SETBP1: variants seen among roughly 807,000 people sequenced by gnomAD.
SETBP1 encodes SET binding protein 1.
SETBP1 carries 9 observed loss-of-function variants against 101.0 expected under a neutral mutation model. That is an observed-to-expected ratio of 0.09 (90% CI 0.05 to 0.16). SETBP1 has a LOEUF of 0.16. Among genes scored for constraint, SETBP1 ranks in the 10% least tolerant of loss-of-function variants. The probability of loss-of-function intolerance (pLI) is 1.00; values close to 1 mark genes in which losing one functional copy is unlikely to be tolerated. For synonymous variants in SETBP1, 818 were observed against 788.5 expected (o/e 1.04, Z -0.63); for missense variants, 1,858 against 2,033.8 (o/e 0.91, Z 1.66).
At position 45,064,464 on chromosome 18, in the gene SETBP1, A is replaced by C. The variant is rs2073942008; in HGVS notation, c.*766A>C. Reference sequence around the variant, plus strand: ...TTTTTCTTGGTACACATTTAAATAAAGTAATCCTTAACCTGTGCTGTAAAG... The same window carrying C: ...TTTTTCTTGGTACACATTTAAATAACGTAATCCTTAACCTGTGCTGTAAAG... On this transcript the variant is annotated 3_prime_UTR_variant, in exon 6 of 6. Coordinates refer to ENST00000649279, the MANE Select transcript of SETBP1 (RefSeq NM_015559.3). The C allele has an allele frequency of 6.6e-6, 1 of 152,092 alleles. No homozygotes were observed. Among genetic ancestry groups the C allele is most frequent in the Non-Finnish European group, 1.5e-5 (1 of 68,004 alleles). The allele number at this position is 152,092 out of a possible 1,614,324, so 9.4% of individuals were successfully genotyped here.
rs935393030 is a variant in SETBP1 at position 45,049,651 on chromosome 18, C to T, written c.4171+10996C>T. ...CCCTGCCTCCTACCTTTCTTCATAACCCTGACCAGCTTCTCTCAGTACCTT... is the reference window on the plus strand; with the variant it reads ...CCCTGCCTCCTACCTTTCTTCATAATCCTGACCAGCTTCTCTCAGTACCTT... On this transcript the variant is annotated intron_variant, in intron 5 of 5. Transcript: ENST00000649279. Among the ~76,000 whole-genome samples, 3 of 152,218 alleles carry T rather than the reference C, an allele frequency of 2.0e-5. No individual in the cohort carries two copies. In the South Asian group the frequency reaches 6.2e-4, roughly 32 times the overall value.
At chr18:44,894,399 ATTTT>A (rs142131407) in intron 3 of SETBP1, among the ~76,000 whole-genome samples, 1 of 148,784 alleles carries the variant, frequency 6.7e-6, no homozygotes, top group Non-Finnish European at 1.5e-5. Context: ...TACTTGGATC[ATTTT>A]TTTTTTCACC....
chr18:44,928,823 G>C (rs2070760663), intron 3 of SETBP1, among the ~76,000 whole-genome samples: 1 of 152,140 alleles, frequency 6.6e-6, no homozygotes, highest in Non-Finnish European at 1.5e-5. Flanking sequence ...GTAGATTCTA[G>C]GTATTAGCCC....
intron 2 of SETBP1, among the ~76,000 whole-genome samples, chr18:44,768,394 G>A (rs954317606): frequency 3.2e-4 from 49 of 152,308 alleles, no homozygotes; most frequent in Admixed American, 2.2e-3. Flanking sequence ...GTGTATGTGT[G>A]TGTGTGTGGT....
chr18:44,861,431 G>A (rs1378318536), intron 2 of SETBP1, among the ~76,000 whole-genome samples: 1 of 151,184 alleles, frequency 6.6e-6, no homozygotes, highest in Non-Finnish European at 1.5e-5. Context: ...TAATAGAGAT[G>A]AGGTGTTAGC....
At chr18:45,030,786 A>G (rs1338407449) in intron 4 of SETBP1, among the ~76,000 whole-genome samples, 1 of 151,186 alleles carries the variant, frequency 6.6e-6, no homozygotes, top group Non-Finnish European at 1.5e-5. Flanking sequence ...TAGATTTTCT[A>G]GTTTGTTTGT....
At chr18:44,698,604 C>T (rs1026024224) in intron 1 of SETBP1, among the ~76,000 whole-genome samples, 1 of 152,212 alleles carries the variant, frequency 6.6e-6, no homozygotes, top group Non-Finnish European at 1.5e-5. Flanking sequence ...AAACCCCCAT[C>T]AAGATCAAAG....
intron 1 of SETBP1, among the ~76,000 whole-genome samples, chr18:44,698,261 C>T (rs2069052844): frequency 6.6e-6 from 1 of 152,154 alleles, no homozygotes; most frequent in Non-Finnish European, 1.5e-5. Flanking sequence ...ACATCAGATT[C>T]CCTTAATCCA....
At chr18:44,824,847 G>T (rs1351294109) in intron 2 of SETBP1, among the ~76,000 whole-genome samples, 3 of 152,274 alleles carry the variant, frequency 2.0e-5, no homozygotes, top group African/African-American at 7.2e-5. Flanking sequence ...AAAGGGAGTG[G>T]GTCATCGTAG....
chr18:44,954,927 A>G (rs1473146724), intron 4 of SETBP1, among the ~76,000 whole-genome samples: 2 of 152,202 alleles, frequency 1.3e-5, no homozygotes, highest in Non-Finnish European at 2.9e-5. Flanking sequence ...TGGGACTTAC[A>G]CTAGCTGTGG....
At chr18:44,776,932 G>C (rs1241463252) in intron 2 of SETBP1, among the ~76,000 whole-genome samples, 2 of 152,226 alleles carry the variant, frequency 1.3e-5, no homozygotes, top group African/African-American at 4.8e-5. Context: ...ATAGGGAGAA[G>C]AGTTTTCCCT....
At chr18:44,945,485 T>TGC (rs2071185426) in intron 3 of SETBP1, among the ~76,000 whole-genome samples, 4 of 152,198 alleles carry the variant, frequency 2.6e-5, no homozygotes, top group Non-Finnish European at 5.9e-5. Flanking sequence ...AGGCTCAATG[T>TGC]ACATGGAAAA....
At chr18:44,727,831 T>G (rs1487244908) in intron 2 of SETBP1, among the ~76,000 whole-genome samples, 1 of 151,658 alleles carries the variant, frequency 6.6e-6, no homozygotes, top group Non-Finnish European at 1.5e-5. Flanking sequence ...CAACAAGTAA[T>G]TCTTCTTATA....
At chr18:44,921,506 A>G (rs2070578698) in intron 3 of SETBP1, among the ~76,000 whole-genome samples, 1 of 152,202 alleles carries the variant, frequency 6.6e-6, no homozygotes, top group South Asian at 2.1e-4. Flanking sequence ...AGTTCTCCCA[A>G]ACGAAGGTTA....
chr18:44,686,284 C>T (rs1356916278), intron 1 of SETBP1, among the ~76,000 whole-genome samples: 2 of 152,244 alleles, frequency 1.3e-5, no homozygotes, highest in Non-Finnish European at 2.9e-5. Flanking sequence ...GCAGTGTTCT[C>T]GAGTGAACCC....
chr18:44,921,819 G>A (rs1336832618), intron 3 of SETBP1, among the ~76,000 whole-genome samples: 1 of 152,122 alleles, frequency 6.6e-6, no homozygotes, highest in Non-Finnish European at 1.5e-5. Flanking sequence ...CTTTATGAAG[G>A]AGGGGGCATC....
chr18:45,054,510 T>G (rs1039974212), intron 5 of SETBP1, among the ~76,000 whole-genome samples: 1 of 152,110 alleles, frequency 6.6e-6, no homozygotes, highest in Non-Finnish European at 1.5e-5. Context: ...GGCTGACAAA[T>G]AGCATCTCCA....
intron 4 of SETBP1, among the ~76,000 whole-genome samples, chr18:44,982,437 C>A (rs1419693553): frequency 6.6e-6 from 1 of 152,192 alleles, no homozygotes; most frequent in East Asian, 1.9e-4. Flanking sequence ...GTATTCCCTG[C>A]CTAAACTCTT....
chr18:45,016,087 C>T (rs1018786571), intron 4 of SETBP1, among the ~76,000 whole-genome samples: 2 of 152,124 alleles, frequency 1.3e-5, no homozygotes, highest in Admixed American at 1.3e-4. Flanking sequence ...AAATACAGCC[C>T]GTACATGATA....
Sources: allele counts gnomAD v4.1 joint callset (sites outside exome capture counted in the v4.1 genomes callset), GRCh38; gene constraint gnomAD v4.1.1; transcripts MANE v1.5; gene names NCBI Gene and HGNC (gene_info 2026-07-23, HGNC 2026-07-21).